The following EIF4E2 variants were observed in gnomAD, a reference collection of about 807,000 sequenced individuals.
EIF4E2 encodes the protein eukaryotic translation initiation factor 4E family member 2.
In EIF4E2, 13 loss-of-function variants were observed where a neutral mutation model predicts 34.2. The observed-to-expected ratio is 0.38, with a 90% CI of 0.25 to 0.60. EIF4E2 has a LOEUF of 0.60. Among genes scored for constraint, EIF4E2 ranks in the 20% least tolerant of loss-of-function variants. The pLI, the probability that EIF4E2 is intolerant of heterozygous loss-of-function variation, is 0.62. For synonymous variants in EIF4E2, 100 were observed against 106.6 expected, an observed-to-expected ratio of 0.94 and a Z score of 0.38; for missense variants, 222 against 315.1, an observed-to-expected ratio of 0.70 and a Z score of 2.24.
At chr2:232,569,281 A>C (rs1302713190), downstream of EIF4E2, 1 of 1,294,088 alleles carries the variant, frequency 7.7e-7, no homozygotes, top group Non-Finnish European at 9.8e-7. Flanking sequence ...TCACCATATT[A>C]AGGGATGGCA....
intron 6 of EIF4E2, among the ~76,000 whole-genome samples, chr2:232,579,841 A>G (rs186394869): frequency 1.4e-4 from 21 of 152,252 alleles, no homozygotes; most frequent in Non-Finnish European, 2.2e-4. Context: ...TCAAAGAGAA[A>G]TAATGACTCC....
chr2:232,555,475 G>A (rs186741592), intron 1 of EIF4E2, among the ~76,000 whole-genome samples: 5 of 152,322 alleles, frequency 3.3e-5, no homozygotes, highest in Non-Finnish European at 5.9e-5. Context: ...CCTAAAGTTC[G>A]TTTGACTCTG....
chr2:232,567,686 T>TG, intron 6 of EIF4E2: 1 of 1,007,278 alleles, frequency 9.9e-7, no homozygotes, highest in Non-Finnish European at 1.2e-6. Flanking sequence ...TGTATAGAGC[T>TG]GACTCTTAGA....
chr2:232,565,342 C>A (rs1692882868), intron 4 of EIF4E2, among the ~76,000 whole-genome samples: 1 of 152,166 alleles, frequency 6.6e-6, no homozygotes, highest in Non-Finnish European at 1.5e-5. Flanking sequence ...GACCTTAAGA[C>A]CCACTTCTTG....
chr2:232,575,098 CA>C (rs776246913), intron 6 of EIF4E2, among the ~76,000 whole-genome samples: 30 of 152,210 alleles, frequency 2.0e-4, no homozygotes, highest in Non-Finnish European at 3.5e-4. Context: ...TCCTGGACAT[CA>C]AACTACCCCT....
At chr2:232,576,136 G>A (rs577672609) in intron 6 of EIF4E2, among the ~76,000 whole-genome samples, 11 of 152,168 alleles carry the variant, frequency 7.2e-5, no homozygotes, top group South Asian at 6.2e-4. Flanking sequence ...CTCAGGAGGC[G>A]GAGGTTGCAG....
intron 3 of EIF4E2, among the ~76,000 whole-genome samples, chr2:232,561,859 T>C (rs1692735126): frequency 7.1e-6 from 1 of 141,418 alleles, no homozygotes; most frequent in Admixed American, 7.6e-5. Context: ...ATATTCTGAG[T>C]CTGTGAATGC....
rs142266488 is a variant in EIF4E2 at position 232,563,687 on chromosome 2, A to G, written c.271-560A>G. On this transcript the variant is annotated intron_variant, in intron 3 of 6. Transcript: ENST00000258416. Reference sequence around the variant, plus strand: ...ATTCTATCACTTACGCTTAGTAACTAAACAGGTCTAAGAGGTATTTACATG... The same window carrying G: ...ATTCTATCACTTACGCTTAGTAACTGAACAGGTCTAAGAGGTATTTACATG... 5.8e-4 allele frequency among the ~76,000 whole-genome samples: 88 copies of G among 152,286 alleles called. 1 individual carries two copies. The highest frequency in any genetic ancestry group is 1.9e-3 in the African/African-American group (81 of 41,552).
intron 1 of EIF4E2, among the ~76,000 whole-genome samples, chr2:232,553,347 A>G (rs1266412545): frequency 6.6e-6 from 1 of 152,224 alleles, no homozygotes. Flanking sequence ...CTTTGGGCCC[A>G]TTCCTAACTA....
chr2:232,560,813 C>T (rs754396681), intron 3 of EIF4E2, among the ~76,000 whole-genome samples: 1 of 152,124 alleles, frequency 6.6e-6, no homozygotes, highest in African/African-American at 2.4e-5. Context: ...CAGCCTAAAG[C>T]AAAGATCTTG....
At chr2:232,578,688 A>G (rs568419551) in intron 6 of EIF4E2, among the ~76,000 whole-genome samples, 2 of 152,338 alleles carry the variant, frequency 1.3e-5, no homozygotes, top group Admixed American at 1.3e-4. Flanking sequence ...CTACAGAGAA[A>G]GAATTTATTT....
At chr2:232,572,584 C>T (rs1021999913), downstream of EIF4E2, among the ~76,000 whole-genome samples, 9 of 152,136 alleles carry the variant, frequency 5.9e-5, no homozygotes, top group African/African-American at 2.2e-4. Context: ...CCAGGCTGGT[C>T]TCGAACTCCT....
At chr2:232,553,564 T>C (rs976765530) in intron 1 of EIF4E2, among the ~76,000 whole-genome samples, 2 of 152,240 alleles carry the variant, frequency 1.3e-5, no homozygotes, top group African/African-American at 4.8e-5. Context: ...CCTCTCAGTC[T>C]GGACAGTCTC....
chr2:232,577,859 G>T (rs1693259398), intron 6 of EIF4E2, among the ~76,000 whole-genome samples: 1 of 152,206 alleles, frequency 6.6e-6, no homozygotes, highest in South Asian at 2.1e-4. Flanking sequence ...AACTCACTGT[G>T]GATTTGCTAA....
At position 232,566,332 on chromosome 2, in the gene EIF4E2, G is replaced by A. The variant is rs1049854827; in HGVS notation, c.376-497G>A. On this transcript the variant is annotated intron_variant, in intron 4 of 6. Transcript: ENST00000258416. This position sits in a 1 kb window ranked among gnomAD's most constrained non-coding sequence, Gnocchi z 4.9. ...CTCCCGAGTAGCTGGGACTACAGGC[G>A]CCCACCACCATGCCCGGCTAATTTT... Among the ~76,000 whole-genome samples the A allele has an allele frequency of 2.6e-5, 4 of 152,144 alleles. No individual in the cohort carries two copies. The highest frequency in any genetic ancestry group is 2.1e-4 in the South Asian group (1 of 4,808).
At position 232,566,085 on chromosome 2, in the gene EIF4E2, C is replaced by T. The variant is rs1692917600; in HGVS notation, c.376-744C>T. On this transcript the variant is annotated intron_variant, in intron 4 of 6. Transcript: ENST00000258416. This position sits in a 1 kb window ranked among gnomAD's most constrained non-coding sequence, Gnocchi z 4.9. ...CCAGACTGGGTGACAGCGGGAGACTCCATCGCAAAAAAGAAAAAAAAAAAA... is the reference window on the plus strand; with the variant it reads ...CCAGACTGGGTGACAGCGGGAGACTTCATCGCAAAAAAGAAAAAAAAAAAA... 6.6e-6 allele frequency among the ~76,000 whole-genome samples: 1 copy of T among 150,812 alleles called. No homozygotes were observed. Among genetic ancestry groups the T allele is most frequent in the Non-Finnish European group, 1.5e-5 (1 of 67,766 alleles).
chr2:232,554,240 C>T (rs1692440935), intron 1 of EIF4E2, among the ~76,000 whole-genome samples: 2 of 152,160 alleles, frequency 1.3e-5, no homozygotes, highest in South Asian at 4.1e-4. Context: ...AATCTGAGTC[C>T]TGTAGGACAA....
At chr2:232,576,897 A>G (rs908438047) in intron 6 of EIF4E2, among the ~76,000 whole-genome samples, 2 of 152,244 alleles carry the variant, frequency 1.3e-5, no homozygotes, top group African/African-American at 4.8e-5. Flanking sequence ...TGCTATTTAA[A>G]TAATTCTTCA....
rs569420697 is a variant in EIF4E2, at chr2:232,574,875, C to G, written c.666-6029C>G. Reference sequence around the variant, plus strand: ...TAGCAGTTGTTCCAAGCTGTACTTTCACTAGACCAGCACAACTGTACTAGT... The same window carrying G: ...TAGCAGTTGTTCCAAGCTGTACTTTGACTAGACCAGCACAACTGTACTAGT... On this transcript the variant is annotated intron_variant, in intron 6 of 6. Coordinates refer to the EIF4E2 transcript ENST00000409098. Among the ~76,000 whole-genome samples, 11 of 152,318 alleles carry G rather than the reference C, an allele frequency of 7.2e-5. No individual in the cohort carries two copies. The South Asian group carries it at 2.1e-3, about 29-fold the overall frequency.
Sources: allele counts gnomAD v4.1 joint callset (sites outside exome capture counted in the v4.1 genomes callset), GRCh38; gene constraint gnomAD v4.1.1; non-coding constraint Gnocchi (gnomAD v3.1); transcripts MANE v1.5; gene names NCBI Gene and HGNC (gene_info 2026-07-23, HGNC 2026-07-21).